Variants in HSPH1 observed in about 807,000 individuals in gnomAD.
HSPH1 encodes heat shock protein family H (Hsp110) member 1, also known as heat shock protein 105 kDa.
In HSPH1, 40 loss-of-function variants were observed where a neutral mutation model predicts 100.0. That is an observed-to-expected ratio of 0.40 (90% CI 0.31 to 0.52). The LOEUF (loss-of-function observed/expected upper bound fraction) is 0.52, where lower values mean the gene tolerates loss of function less well. Ranked by LOEUF, HSPH1 falls within the 20% of genes least tolerant of loss-of-function variation. The pLI, the probability that HSPH1 is intolerant of heterozygous loss-of-function variation, is 0.54. For synonymous variants in HSPH1, 403 were observed against 344.0 expected (o/e 1.17, Z -1.90); for missense variants, 876 against 1,015.1 (o/e 0.86, Z 1.86).
At chr13:31,146,037 A>G (rs527817951) in intron 10 of HSPH1, among the ~76,000 whole-genome samples, 1 of 152,236 alleles carries the variant, frequency 6.6e-6, no homozygotes, top group South Asian at 2.1e-4. Flanking sequence ...CAGGAGTCTG[A>G]GGCGGGAGGA....
At position 31,161,829 on chromosome 13, in the gene HSPH1, G is replaced by C; in HGVS notation, c.-247C>G. On this transcript the variant is annotated 5_prime_UTR_variant, in exon 1 of 18. Coordinates refer to ENST00000320027, the MANE Select transcript of HSPH1 (RefSeq NM_006644.4). ...AGAAAGCGGGGCTCAGCCTCCGCAG[G>C]TCGCTCCGCACCTCGGGTTGCCTGC... 1.4e-6 allele frequency: 2 copies of C among 1,477,160 alleles called. No individual in the cohort carries two copies. The highest frequency in any genetic ancestry group is 1.8e-6 in the Non-Finnish European group (2 of 1,115,148). 91.5% of individuals were successfully genotyped at this position (1,477,160 alleles called of 1,614,324 possible).
chr13:31,141,759 ATTGAAC>A (rs1956098960), intron 12 of HSPH1, among the ~76,000 whole-genome samples: 1 of 151,134 alleles, frequency 6.6e-6, no homozygotes, highest in East Asian at 1.9e-4. Flanking sequence ...AAATTTCCTT[ATTGAAC>A]TTGGAGTACA....
At chr13:31,149,684 G>A (rs1217943876) in intron 8 of HSPH1, among the ~76,000 whole-genome samples, 1 of 152,098 alleles carries the variant, frequency 6.6e-6, no homozygotes, top group South Asian at 2.1e-4. Context: ...CAGCTAATTA[G>A]TGTTTCAGCT....
At position 31,155,582 on chromosome 13, in the gene HSPH1, T is replaced by A; in HGVS notation, c.238A>T (p.Ile80Phe). 6.2e-7 allele frequency: 1 copy of A among 1,611,742 alleles called. No individual in the cohort carries two copies. Among genetic ancestry groups the A allele is most frequent in the Admixed American group, 1.7e-5 (1 of 59,930 alleles). The change falls in exon 3 of 18, where the codon ATT (isoleucine) becomes TTT (phenylalanine). Residue 80 changes from isoleucine (I) to phenylalanine (F), a missense_variant. Ile to Phe is a conservative substitution (Grantham distance 21, BLOSUM62 0). Coordinates refer to ENST00000320027, the MANE Select transcript of HSPH1 (RefSeq NM_006644.4). The part of the protein sequence containing the change: ...FHGRAFNDPF[I>F]QKEKENLSYD... ...CTCAAGTTTTCCTTCTCCTTTTGAA[T>A]GAAGGGGTCATTGAATGCTCGGCCA...
chr13:31,154,800 G>A (rs1834453448), intron 3 of HSPH1, 45 bp from the exon 4 acceptor site: 1 of 1,535,152 alleles, frequency 6.5e-7, no homozygotes, highest in Non-Finnish European at 8.9e-7. Context: ...AGTACTTTAA[G>A]CTACATGCCA....
chr13:31,162,178 T>C, upstream of HSPH1: 2 of 1,225,906 alleles, frequency 1.6e-6, no homozygotes, highest in Non-Finnish European at 2.3e-6. Flanking sequence ...TTTGCTGCCC[T>C]AATAAAACAG....
chr13:31,143,798 A>G lies in HSPH1; in HGVS notation c.1710T>C (p.Ala570=), dbSNP rs1168388352. The G allele has an allele frequency of 3.1e-6, 5 of 1,606,542 alleles. No homozygotes were observed. In the African/African-American group the frequency reaches 5.4e-5, roughly 17 times the overall value. Residue 570 remains alanine (A), a synonymous_variant, in exon 12 of 18, where the codon GCT becomes GCC. Transcript: ENST00000320027. The stretch of plus-strand genomic sequence containing the variant: ...AACTAGAAGAGTCACTCACTTTGTC[A>G]GCATCTGGGATTTTGTTTTCTTCTG... ...LTSEENKIPD[A]DKANEKKVDQ...
Position 31,148,094 on chromosome 13 carries a change from TAG to T in HSPH1, c.1245-4_1245-3del. On this transcript the variant is annotated splice_polypyrimidine_tract_variant and splice_region_variant and intron_variant, in intron 9 of 17. Transcript: ENST00000320027. ...TTTCGACTAAAGACTTCATGAACAC[TAG>T]AGAGAAAAGAAAAAGGCATTCAGCA... 6.2e-7 allele frequency: 1 copy of T among 1,603,168 alleles called. No individual in the cohort carries two copies. The highest frequency in any genetic ancestry group is 8.5e-7 in the Non-Finnish European group (1 of 1,176,976).
At chr13:31,156,874 T>C (rs1056960295) in intron 2 of HSPH1, among the ~76,000 whole-genome samples, 1 of 152,236 alleles carries the variant, frequency 6.6e-6, no homozygotes, top group African/African-American at 2.4e-5. Context: ...GGTGTTTTTT[T>C]AATCCACCGT....
At position 31,161,775 on chromosome 13, in the gene HSPH1, G is replaced by A; in HGVS notation, c.-193C>T. 4.0e-6 allele frequency: 6 copies of A among 1,502,848 alleles called. No individual in the cohort carries two copies. The highest frequency in any genetic ancestry group is 1.2e-5 in the South Asian group (1 of 81,180). 93.1% of individuals were successfully genotyped at this position (1,502,848 alleles called of 1,614,324 possible). ...GGAGCCTCCTACTCCCCCGGGGACA[G>A]CGGCGGCTGGCTGATAAGAAACCCT... is the stretch of plus-strand genomic sequence containing the variant. On this transcript the variant is annotated 5_prime_UTR_variant, in exon 1 of 18. Transcript: ENST00000320027.
At chr13:31,152,773 T>C (rs1956532869) in intron 5 of HSPH1, 79 bp downstream of exon 5, 4 of 979,026 alleles carry the variant, frequency 4.1e-6, no homozygotes, top group Non-Finnish European at 6.5e-6. Flanking sequence ...TGTTTCTGTA[T>C]CTATAAGAAA....
At chr13:31,151,373 C>A in intron 6 of HSPH1, 182 bp from the exon 7 acceptor site, 2 of 694,652 alleles carry the variant, frequency 2.9e-6, no homozygotes, top group Non-Finnish European at 4.6e-6. Context: ...TAAATGACTA[C>A]ATAGAAAATA....
At chr13:31,142,836 T>C (rs909559753) in intron 12 of HSPH1, among the ~76,000 whole-genome samples, 2 of 152,068 alleles carry the variant, frequency 1.3e-5, no homozygotes, top group Admixed American at 6.6e-5. Flanking sequence ...TCAAGGAGTG[T>C]GCTGTTGAAA....
Position 31,138,396 on chromosome 13 carries a change from G to GT in HSPH1, c.2370+10dup. 1.2e-6 allele frequency: 2 copies of GT among 1,611,868 alleles called. No individual in the cohort carries two copies. Among genetic ancestry groups the GT allele is most frequent in the South Asian group, 1.1e-5 (1 of 90,926 alleles). On this transcript the variant is annotated intron_variant, in intron 17 of 17. Coordinates refer to ENST00000320027, the MANE Select transcript of HSPH1 (RefSeq NM_006644.4). Reference sequence around the variant, plus strand: ...TGAACCCAGCAGTAAACACGAGACAGTAACACTCACCTTGATTTTTGTTTT... The same window carrying GT: ...TGAACCCAGCAGTAAACACGAGACAGTTAACACTCACCTTGATTTTTGTTTT...
chr13:31,140,005 G>C (rs1013032149), intron 14 of HSPH1, among the ~76,000 whole-genome samples, 179 bp downstream of exon 14: 2 of 151,986 alleles, frequency 1.3e-5, no homozygotes, highest in African/African-American at 4.8e-5. Context: ...AGTTTTGGGG[G>C]TAGGCTAGTA....
intron 1 of HSPH1, among the ~76,000 whole-genome samples, chr13:31,161,104 G>A (rs1035314810): frequency 6.6e-6 from 1 of 152,222 alleles, no homozygotes; most frequent in African/African-American, 2.4e-5. Flanking sequence ...TACGGGGGCG[G>A]CCGCGGAAGG....
Position 31,161,845 on chromosome 13 carries a change from G to A in HSPH1, c.-263C>T, listed in dbSNP as rs1766485407. 4 of 1,479,238 alleles carry A rather than the reference G, an allele frequency of 2.7e-6. No individual in the cohort carries two copies. The highest frequency in any genetic ancestry group is 4.5e-5 in the Admixed American group (2 of 44,400). 91.6% of individuals were successfully genotyped at this position (1,479,238 alleles called of 1,614,324 possible). A position where few individuals can be genotyped will look rare whatever the true frequency, so the allele number is the denominator to read the frequency against. The stretch of plus-strand genomic sequence containing the variant: ...CCTCCGCAGGTCGCTCCGCACCTCG[G>A]GTTGCCTGCCTCACTCTGCCGCGGC... On this transcript the variant is annotated 5_prime_UTR_variant, in exon 1 of 18. Transcript: ENST00000320027.
chr13:31,141,228 T>C lies in HSPH1; in HGVS notation c.1748A>G (p.Glu583Gly). ...CACCTTTATTTTGGGCTTTTTAGCT[T>C]CTGGAGGCTGGTCAACTTTTTTTTC... ...ANEKKVDQPP[E>G]AKKPKIKVVN... is the part of the protein sequence containing the mutation. The change falls in exon 13 of 18, where the codon GAA becomes GGA. Residue 583 changes from glutamate (E) to glycine (G), a missense_variant. Physicochemically the swap from Glu to Gly is moderately conservative, Grantham distance 98. Transcript: ENST00000320027. The C allele has an allele frequency of 6.2e-7, 1 of 1,607,750 alleles. No individual in the cohort carries two copies. The highest frequency in any genetic ancestry group is 8.5e-7 in the Non-Finnish European group (1 of 1,177,232).
Position 31,153,217 on chromosome 13 carries a change from A to C in HSPH1, c.430-266T>G, listed in dbSNP as rs140568723. 1.6e-4 allele frequency among the ~76,000 whole-genome samples: 24 copies of C among 152,338 alleles called. No homozygotes were observed. In the East Asian group the frequency reaches 4.0e-3, roughly 26 times the overall value. On this transcript the variant is annotated intron_variant, in intron 4 of 17. Coordinates refer to ENST00000320027, the MANE Select transcript of HSPH1 (RefSeq NM_006644.4). ...GAAATAAAAATTAATCAGGAGTTTC[A>C]TAAGACATATTCAAAGTTACATAAA...
Sources: gnomAD v4.1 joint callset for allele counts (sites outside exome capture counted in the v4.1 genomes callset) on GRCh38, gnomAD v4.1.1 for gene constraint, MANE v1.5 for transcripts, NCBI Gene and HGNC (gene_info 2026-07-23, HGNC 2026-07-21) for gene names.